HS3ST4: variants seen among roughly 807,000 people sequenced by gnomAD.
HS3ST4 encodes the protein heparan sulfate glucosamine 3-O-sulfotransferase 4.
HS3ST4 carries 17 observed loss-of-function variants against 29.2 expected under a neutral mutation model. That is an observed-to-expected ratio of 0.58 (90% CI 0.40 to 0.87). The LOEUF (loss-of-function observed/expected upper bound fraction) is 0.87, where lower values mean the gene tolerates loss of function less well. HS3ST4 is among the 40% of genes least tolerant of loss of function. HS3ST4 has a pLI of 0.00. For synonymous variants in HS3ST4, 314 were observed against 285.7 expected (o/e 1.10, Z -1.00); for missense variants, 627 against 634.5 (o/e 0.99, Z 0.13).
intron 1 of HS3ST4, among the ~76,000 whole-genome samples, chr16:26,006,010 C>T (rs4289001): frequency 0.12 from 17,923 of 152,042 alleles, 1,265 homozygotes; most frequent in South Asian, 0.17. Flanking sequence ...TTAAATGAGG[C>T]TCAAGTGGCC....
At chr16:25,895,085 C>T (rs1426821657) in intron 1 of HS3ST4, among the ~76,000 whole-genome samples, 7 of 151,994 alleles carry the variant, frequency 4.6e-5, no homozygotes, top group African/African-American at 1.4e-4. Flanking sequence ...AGTGGGGTCC[C>T]TCTAGGAACT....
At chr16:25,833,176 A>G (rs1450740196) in intron 1 of HS3ST4, among the ~76,000 whole-genome samples, 1 of 152,184 alleles carries the variant, frequency 6.6e-6, no homozygotes, top group African/African-American at 2.4e-5. Context: ...AGACCTTTGG[A>G]CCGATTTCAG....
intron 1 of HS3ST4, among the ~76,000 whole-genome samples, chr16:26,072,076 G>A (rs1157806192): frequency 6.6e-6 from 1 of 152,174 alleles, no homozygotes; most frequent in African/African-American, 2.4e-5. Flanking sequence ...GGGGAGAATA[G>A]TTTGAGAAAG....
intron 1 of HS3ST4, among the ~76,000 whole-genome samples, chr16:25,883,479 A>C (rs1445204690): frequency 6.6e-6 from 1 of 152,160 alleles, no homozygotes; most frequent in Non-Finnish European, 1.5e-5. Context: ...AAAATAAATA[A>C]ATAAACTACA....
chr16:25,799,297 T>C (rs1490821792), intron 1 of HS3ST4, among the ~76,000 whole-genome samples: 1 of 152,232 alleles, frequency 6.6e-6, no homozygotes, highest in African/African-American at 2.4e-5. Context: ...GTTCTTTCTC[T>C]GCTGGTTGGA....
rs1001394611 is a variant in HS3ST4 at position 25,968,554 on chromosome 16, T to C, written c.735-167058T>C. On this transcript the variant is annotated intron_variant, in intron 1 of 1. Transcript: ENST00000331351. ...TCTATTTTCCTGCATTCAGCCTCCT[T>C]CATGTATCCGTATCAATAAGTAGCA... Among the ~76,000 whole-genome samples, 6 of 152,264 alleles carry C rather than the reference T, an allele frequency of 3.9e-5. No homozygotes were observed. In the East Asian group the frequency reaches 1.2e-3, roughly 29 times the overall value.
At chr16:25,858,015 TTTTC>T (rs1199235496) in intron 1 of HS3ST4, among the ~76,000 whole-genome samples, 2 of 150,422 alleles carry the variant, frequency 1.3e-5, no homozygotes, top group African/African-American at 4.9e-5. Context: ...CTTTCTGTCT[TTTTC>T]TTTCTTTCCT....
At chr16:25,843,185 G>A (rs1218444842) in intron 1 of HS3ST4, among the ~76,000 whole-genome samples, 1 of 152,074 alleles carries the variant, frequency 6.6e-6, no homozygotes, top group Non-Finnish European at 1.5e-5. Context: ...AGTTGTGTGG[G>A]TTACTTTGGC....
At chr16:25,748,104 G>A (rs1374489969) in intron 1 of HS3ST4, among the ~76,000 whole-genome samples, 3 of 152,068 alleles carry the variant, frequency 2.0e-5, no homozygotes, top group Non-Finnish European at 2.9e-5. Flanking sequence ...GATTGTCTGG[G>A]ACCTGGGCAT....
Position 25,694,303 on chromosome 16 carries a change from T to C in HS3ST4, c.734+1152T>C, listed in dbSNP as rs143607413. On this transcript the variant is annotated intron_variant, in intron 1 of 1. Transcript: ENST00000331351. ...GTTTAAATTACAGCCTGGGAAAGTT[T>C]TAGAAATAACTTAACTGAAGAAATA... Among the ~76,000 whole-genome samples, 4 of 152,360 alleles carry C rather than the reference T, an allele frequency of 2.6e-5. No individual in the cohort carries two copies. In the East Asian group the frequency reaches 7.7e-4, roughly 29 times the overall value.
intron 1 of HS3ST4, among the ~76,000 whole-genome samples, chr16:25,948,312 T>C (rs567172349): frequency 7.2e-5 from 11 of 152,110 alleles, no homozygotes; most frequent in Non-Finnish European, 1.3e-4. Context: ...TCAGAGCAGC[T>C]CCAGTTTGGG....
chr16:25,863,286 T>C (rs910845382), intron 1 of HS3ST4, among the ~76,000 whole-genome samples: 2 of 152,264 alleles, frequency 1.3e-5, no homozygotes, highest in African/African-American at 4.8e-5. Context: ...TTTCACCATG[T>C]TGGCCAGGAT....
chr16:25,916,564 G>T (rs1407807179), intron 1 of HS3ST4, among the ~76,000 whole-genome samples: 1 of 150,822 alleles, frequency 6.6e-6, no homozygotes, highest in African/African-American at 2.4e-5. Context: ...GTTTCTCCAT[G>T]TTGGTCAGGC....
intron 1 of HS3ST4, among the ~76,000 whole-genome samples, chr16:25,872,401 C>G (rs1049093746): frequency 6.6e-6 from 1 of 152,142 alleles, no homozygotes; most frequent in Non-Finnish European, 1.5e-5. Context: ...TATAATTTTG[C>G]ATGATTCTGT....
chr16:26,017,556 CA>C (rs938846215), intron 1 of HS3ST4, among the ~76,000 whole-genome samples: 1 of 152,044 alleles, frequency 6.6e-6, no homozygotes, highest in Non-Finnish European at 1.5e-5. Context: ...CTAGATCTGG[CA>C]AAAAATGAAA....
rs144560947 is a variant in HS3ST4 at position 25,974,681 on chromosome 16, A to C, written c.735-160931A>C. ...AATAACAGGAGTTATCTGTGAGACCAAGCATGATAAGCAATTTTAATTTTC... is the reference window on the plus strand; with the variant it reads ...AATAACAGGAGTTATCTGTGAGACCCAGCATGATAAGCAATTTTAATTTTC... On this transcript the variant is annotated intron_variant, in intron 1 of 1. Transcript: ENST00000331351. Among the ~76,000 whole-genome samples, 18 of 152,342 alleles carry C rather than the reference A, an allele frequency of 1.2e-4. No individual in the cohort carries two copies. The East Asian group carries it at 2.5e-3, about 21-fold the overall frequency.
At chr16:25,915,655 A>C (rs1330414845) in intron 1 of HS3ST4, among the ~76,000 whole-genome samples, 1 of 152,174 alleles carries the variant, frequency 6.6e-6, no homozygotes, top group Non-Finnish European at 1.5e-5. Context: ...TTCTATCTTT[A>C]AGTTTTCCTG....
intron 1 of HS3ST4, among the ~76,000 whole-genome samples, chr16:25,696,936 C>T (rs1966302199): frequency 6.6e-6 from 1 of 152,140 alleles, no homozygotes; most frequent in Non-Finnish European, 1.5e-5. Context: ...GCAGCATTTC[C>T]ACTTTACACG....
intron 1 of HS3ST4, among the ~76,000 whole-genome samples, chr16:25,928,338 C>T (rs1968429701): frequency 6.6e-6 from 1 of 151,878 alleles, no homozygotes; most frequent in Non-Finnish European, 1.5e-5. Flanking sequence ...GCACTCCAGC[C>T]TGGGCAACAG....
Sources: allele counts gnomAD v4.1 joint callset (sites outside exome capture counted in the v4.1 genomes callset), GRCh38; gene constraint gnomAD v4.1.1; transcripts MANE v1.5; gene names NCBI Gene and HGNC (gene_info 2026-07-23, HGNC 2026-07-21).